SYNE2: variants seen among roughly 807,000 people sequenced by gnomAD.
SYNE2 encodes nesprin-2.
SYNE2 carries 431 observed loss-of-function variants against 856.3 expected under a neutral mutation model. That is an observed-to-expected ratio of 0.50 (90% CI 0.47 to 0.55). The LOEUF is 0.55. Among genes scored for constraint, SYNE2 ranks in the 20% least tolerant of loss-of-function variants. The probability of loss-of-function intolerance (pLI) is 0.00; values close to 1 mark genes in which losing one functional copy is unlikely to be tolerated. For missense variants in SYNE2, 8,129 were observed against 8,023.2 expected, an observed-to-expected ratio of 1.01 and a Z score of -0.50; for synonymous variants, 2,923 against 2,872.3, an observed-to-expected ratio of 1.02 and a Z score of -0.56.
chr14:64,000,522 AC>A (rs1395188624), intron 27 of SYNE2, 39 bp from the exon 28 acceptor site: 1 of 1,566,324 alleles, frequency 6.4e-7, no homozygotes, highest in Non-Finnish European at 8.8e-7. Flanking sequence ...GTGTCTATTA[AC>A]CCCATTAGTT....
chr14:63,948,730 A>ATATGTATATATATGTG (rs1566883104), intron 6 of SYNE2, among the ~76,000 whole-genome samples: 3 of 88,890 alleles, frequency 3.4e-5, no homozygotes, highest in Non-Finnish European at 7.6e-5. Context: ...GTGTATATAT[A>ATATGTATATATATGTG]TGTGTATAGA....
In SYNE2 at chr14:63,865,714, AC is replaced by A. The variant is rs1357475302; in HGVS notation, c.-52+12581del. Among the ~76,000 whole-genome samples the A allele has an allele frequency of 3.6e-3, 173 of 47,528 alleles. 16 individuals carry two copies. Among genetic ancestry groups the A allele is most frequent in the African/African-American group, 0.011 (127 of 11,668 alleles). 31.2% of individuals were successfully genotyped at this position (47,528 alleles called of 152,430 possible). A position where few individuals can be genotyped will look rare whatever the true frequency, so the allele number is the denominator to read the frequency against. Reference sequence around the variant, plus strand: ...GCAACAAGAGCAAAACTCTGTACCCACCCCCCCCCCAAAAAAAAAGAAAAGA... The same window carrying A: ...GCAACAAGAGCAAAACTCTGTACCCACCCCCCCCCAAAAAAAAAGAAAAGA... On this transcript the variant is annotated intron_variant, in intron 1 of 115. Coordinates refer to ENST00000555002, the MANE Select transcript of SYNE2 (RefSeq NM_182914.3).
intron 102 of SYNE2, 173 bp downstream of exon 102, chr14:64,209,751 T>C (rs1192712540): frequency 2.6e-6 from 3 of 1,138,238 alleles, no homozygotes; most frequent in South Asian, 2.6e-5. Flanking sequence ...ATTGCTGATG[T>C]ACTCCAGCTG....
In SYNE2 at chr14:63,995,292, G is replaced by T. The variant is rs1594747344; in HGVS notation, c.2940+90G>T. ...GTATCTTTAGCCTAGGATGAAAACT[G>T]TTCTGAAAATTACCCTAGCCCTCCT... On this transcript the variant is annotated intron_variant, in intron 23 of 115. Transcript: ENST00000555002. The T allele has an allele frequency of 6.0e-6, 7 of 1,167,964 alleles. No individual in the cohort carries two copies. In the East Asian group the frequency reaches 1.7e-4, roughly 29 times the overall value. The allele number at this position is 1,167,964 out of a possible 1,614,324, so 72.4% of individuals were successfully genotyped here.
intron 80 of SYNE2, among the ~76,000 whole-genome samples, chr14:64,140,924 G>A (rs1407614623): frequency 2.6e-5 from 4 of 151,628 alleles, no homozygotes; most frequent in East Asian, 1.9e-4. Context: ...ATACTTCGTA[G>A]CTATGATTAC....
At chr14:64,089,274 G>A (rs1245089888) in intron 58 of SYNE2, among the ~76,000 whole-genome samples, 2 of 150,436 alleles carry the variant, frequency 1.3e-5, no homozygotes, top group African/African-American at 2.5e-5. Context: ...GCTGAGGCAG[G>A]AGAATCGCTT....
chr14:63,971,597 C>A (rs1199022569), intron 11 of SYNE2, among the ~76,000 whole-genome samples: 1 of 142,850 alleles, frequency 7.0e-6, no homozygotes, highest in Non-Finnish European at 1.5e-5. Context: ...TTTTTTTGCT[C>A]TAAACAACCA....
At chr14:63,783,290 G>A in intron 1 of SYNE2, among the ~76,000 whole-genome samples, 1 of 152,076 alleles carries the variant, frequency 6.6e-6, no homozygotes, top group East Asian at 1.9e-4. Context: ...TTTGCCTTCC[G>A]CCATGATTAT....
chr14:63,830,684 T>C (rs1889634598), intron 1 of SYNE2, among the ~76,000 whole-genome samples: 1 of 151,928 alleles, frequency 6.6e-6, no homozygotes, highest in Non-Finnish European at 1.5e-5. Context: ...AATTAATTAA[T>C]TAAAATTAAA....
At chr14:63,848,495 T>G (rs551378655), upstream of SYNE2, 1 of 152,348 alleles carries the variant, frequency 6.6e-6, no homozygotes, top group Admixed American at 6.5e-5. Context: ...TATTGTGAGC[T>G]GAGCAATATG....
chr14:64,221,852 C>T lies in SYNE2; in HGVS notation c.20190+148C>T, dbSNP rs992653301. The T allele has an allele frequency of 6.1e-6, 6 of 985,056 alleles. No individual in the cohort carries two copies. In the African/African-American group the frequency reaches 6.4e-5, roughly 10 times the overall value. 61.0% of individuals were successfully genotyped at this position (985,056 alleles called of 1,614,324 possible). On this transcript the variant is annotated intron_variant, in intron 112 of 115. Coordinates refer to ENST00000555002, the MANE Select transcript of SYNE2 (RefSeq NM_182914.3). ...CACGAGTTCAGCCCTAGTGTTCCTC[C>T]AGTTGGTGTTTACCGAGCTGCCCTT...
At chr14:63,962,409 T>C (rs1035366238) in intron 9 of SYNE2, among the ~76,000 whole-genome samples, 1 of 152,190 alleles carries the variant, frequency 6.6e-6, no homozygotes, top group Non-Finnish European at 1.5e-5. Context: ...ATATAGTTTA[T>C]ATACCATAAA....
At chr14:64,061,168 G>T (rs1029850370) in intron 49 of SYNE2, among the ~76,000 whole-genome samples, 10 of 152,142 alleles carry the variant, frequency 6.6e-5, no homozygotes, top group Admixed American at 3.3e-4. Flanking sequence ...GTGTTCCTGT[G>T]GGGAGGATGA....
chr14:64,034,581 G>C (rs767854734), intron 45 of SYNE2: 1 of 545,822 alleles, frequency 1.8e-6, no homozygotes, highest in Non-Finnish European at 3.4e-6. Context: ...TTTCATTTCA[G>C]ATGAAATGCA....
chr14:64,106,984 C>T (rs1032824319), intron 64 of SYNE2, among the ~76,000 whole-genome samples: 1 of 152,040 alleles, frequency 6.6e-6, no homozygotes, highest in African/African-American at 2.4e-5. Context: ...CACCTTTTCC[C>T]CACTCTTTGA....
intron 45 of SYNE2, among the ~76,000 whole-genome samples, chr14:64,040,057 C>G (rs943786483): frequency 3.0e-4 from 46 of 152,136 alleles, no homozygotes; most frequent in African/African-American, 1.1e-3. Flanking sequence ...CATTGTGGAG[C>G]AGGTCTAGCC....
At chr14:64,202,701 T>A in intron 99 of SYNE2, 100 bp from the exon 100 acceptor site, 3 of 1,489,266 alleles carry the variant, frequency 2.0e-6, no homozygotes, top group Non-Finnish European at 2.8e-6. Flanking sequence ...TACCCTGCAA[T>A]GCTCTTACTG....
rs1491139905 is a variant in SYNE2 at position 63,924,832 on chromosome 14, G to GTTTTTTTTTTTTTTTTTTTTTTTTTTTTT, written c.79+15606_79+15607insTTTTTTTTTTTTTTTTTTTTTTTTTTTTT. 4.5e-4 allele frequency among the ~76,000 whole-genome samples: 42 copies of GTTTTTTTTTTTTTTTTTTTTTTTTTTTTT among 92,858 alleles called. 17 individuals carry two copies. The highest frequency in any genetic ancestry group is 5.4e-4 in the African/African-American group (12 of 22,198). 60.9% of individuals were successfully genotyped at this position (92,858 alleles called of 152,430 possible). A position where few individuals can be genotyped will look rare whatever the true frequency, so the allele number is the denominator to read the frequency against. On this transcript the variant is annotated intron_variant, in intron 2 of 115. Transcript: ENST00000555002. The stretch of plus-strand genomic sequence containing the variant: ...TTTAACTTTTTTCCTTCCAGCCTTG[G>GTTTTTTTTTTTTTTTTTTTTTTTTTTTTT]TGTTTTTTTTTTTTTTTTTTTTTTT...
At chr14:63,926,659 T>A (rs2095669862) in intron 2 of SYNE2, among the ~76,000 whole-genome samples, 1 of 152,200 alleles carries the variant, frequency 6.6e-6, no homozygotes, top group South Asian at 2.1e-4. Context: ...GTAGGGGTAC[T>A]TAATCCTCCT....
Sources: gnomAD v4.1 joint callset for allele counts (sites outside exome capture counted in the v4.1 genomes callset) on GRCh38, gnomAD v4.1.1 for gene constraint, MANE v1.5 for transcripts, NCBI Gene and HGNC (gene_info 2026-07-23, HGNC 2026-07-21) for gene names.